The following NKAIN3 variants were observed in gnomAD, a reference collection of about 807,000 sequenced individuals.
The protein encoded by NKAIN3 is sodium/potassium transporting ATPase interacting 3.
NKAIN3 carries 25 observed loss-of-function variants against 30.2 expected under a neutral mutation model. That is an observed-to-expected ratio of 0.83 (90% CI 0.60 to 1.16). The LOEUF (loss-of-function observed/expected upper bound fraction) is 1.16. Ranked by LOEUF, NKAIN3 falls within the 50% of genes most tolerant of loss-of-function variation. The probability of loss-of-function intolerance (pLI) is 0.00; values close to 1 mark genes in which losing one functional copy is unlikely to be tolerated. For missense variants in NKAIN3, 225 were observed against 254.1 expected, an observed-to-expected ratio of 0.89 and a Z score of 0.78; for synonymous variants, 91 against 89.6, an observed-to-expected ratio of 1.02 and a Z score of -0.09.
At chr8:62,424,575 AT>A (rs769856677) in intron 1 of NKAIN3, among the ~76,000 whole-genome samples, 6 of 151,960 alleles carry the variant, frequency 3.9e-5, no homozygotes, top group Non-Finnish European at 8.8e-5. Context: ...CATCAGGGAA[AT>A]GCAAACCAAA....
chr8:62,630,173 C>T (rs1811911222), intron 3 of NKAIN3, among the ~76,000 whole-genome samples: 1 of 151,944 alleles, frequency 6.6e-6, no homozygotes, highest in African/African-American at 2.4e-5. Flanking sequence ...AAACAGAGTA[C>T]ATATAGAGTT....
intron 5 of NKAIN3, among the ~76,000 whole-genome samples, chr8:62,944,433 T>A (rs570225876): frequency 6.6e-6 from 1 of 152,348 alleles, no homozygotes; most frequent in East Asian, 1.9e-4. Flanking sequence ...TTTATTAAAC[T>A]GCTGAAATTT....
At chr8:62,274,168 C>A (rs1245513358) in intron 1 of NKAIN3, among the ~76,000 whole-genome samples, 1 of 152,014 alleles carries the variant, frequency 6.6e-6, no homozygotes, top group African/African-American at 2.4e-5. Flanking sequence ...AAGCCTTAAA[C>A]TTATTATTAT....
chr8:62,622,998 G>A (rs1486794339), intron 3 of NKAIN3, among the ~76,000 whole-genome samples: 9 of 151,710 alleles, frequency 5.9e-5, no homozygotes, highest in Admixed American at 3.3e-4. Flanking sequence ...AGGGAAGAAC[G>A]TTATGTGTGT....
intron 3 of NKAIN3, among the ~76,000 whole-genome samples, chr8:62,627,540 T>C (rs1811828935): frequency 6.6e-6 from 1 of 152,020 alleles, no homozygotes; most frequent in Non-Finnish European, 1.5e-5. Flanking sequence ...GAGAGAAAGA[T>C]TGTAGGATTC....
rs182712439 is a variant in NKAIN3, at chr8:62,545,101, C to T, written c.55-34438C>T. ...GAAAGGAAATTCACATAAAATTGAA[C>T]CCATGCAGCTCAAACCCATGTTGTT... is the stretch of plus-strand genomic sequence containing the variant. On this transcript the variant is annotated intron_variant, in intron 1 of 6. Coordinates refer to ENST00000623646, the MANE Select transcript of NKAIN3 (RefSeq NM_001304533.3). Among the ~76,000 whole-genome samples, 62 of 152,174 alleles carry T rather than the reference C, an allele frequency of 4.1e-4. No homozygotes were observed. The East Asian group carries it at 0.012, about 29-fold the overall frequency.
chr8:62,487,909 G>A (rs1806951299), intron 1 of NKAIN3, among the ~76,000 whole-genome samples: 2 of 152,176 alleles, frequency 1.3e-5, no homozygotes, highest in African/African-American at 4.8e-5. Flanking sequence ...GAGTAAATCT[G>A]CTGAGGAGTC....
chr8:62,952,366 A>G (rs1030461148), intron 5 of NKAIN3, among the ~76,000 whole-genome samples: 1 of 152,178 alleles, frequency 6.6e-6, no homozygotes, highest in Non-Finnish European at 1.5e-5. Flanking sequence ...AAGCCACACT[A>G]TTTTACCAAT....
intron 1 of NKAIN3, among the ~76,000 whole-genome samples, chr8:62,350,306 A>G (rs1211721489): frequency 6.6e-6 from 1 of 152,252 alleles, no homozygotes; most frequent in Non-Finnish European, 1.5e-5. Flanking sequence ...TGTAATTTCA[A>G]TACATGCAAC....
In NKAIN3 at chr8:62,599,261, A is replaced by G. The variant is rs890185034; in HGVS notation, c.273+9467A>G. Among the ~76,000 whole-genome samples, 56 of 152,134 alleles carry G rather than the reference A, an allele frequency of 3.7e-4. 1 individual carries two copies. The highest frequency in any genetic ancestry group is 1.3e-3 in the African/African-American group (53 of 41,536). On this transcript the variant is annotated intron_variant, in intron 3 of 6. Transcript: ENST00000623646. Reference sequence around the variant, plus strand: ...AGGCTTGAGTGTTTTAGTTCTCCCCATGCCTTTCAGCACTTGAAGGTAATG... The same window carrying G: ...AGGCTTGAGTGTTTTAGTTCTCCCCGTGCCTTTCAGCACTTGAAGGTAATG...
intron 1 of NKAIN3, among the ~76,000 whole-genome samples, chr8:62,535,318 T>C (rs1316335908): frequency 6.6e-6 from 1 of 152,162 alleles, no homozygotes; most frequent in African/African-American, 2.4e-5. Context: ...TGACCATATG[T>C]GTGGGGTGTT....
intron 4 of NKAIN3, among the ~76,000 whole-genome samples, chr8:62,880,874 G>A (rs368675087): frequency 7.9e-5 from 12 of 152,046 alleles, no homozygotes; most frequent in African/African-American, 2.9e-4. Context: ...TGATTAAAGA[G>A]CACATAGAAA....
chr8:62,863,677 T>G, intron 4 of NKAIN3: 1 of 1,414,754 alleles, frequency 7.1e-7, no homozygotes, highest in Non-Finnish European at 1.0e-6. Flanking sequence ...TGAGCAATTT[T>G]ATTTCATCCA....
At chr8:62,800,565 C>G (rs1211269193) in intron 4 of NKAIN3, among the ~76,000 whole-genome samples, 1 of 152,206 alleles carries the variant, frequency 6.6e-6, no homozygotes, top group Non-Finnish European at 1.5e-5. Flanking sequence ...CAGGGATTTT[C>G]TCTACTATAA....
chr8:62,793,961 A>T (rs544652307), intron 4 of NKAIN3, among the ~76,000 whole-genome samples: 3 of 152,310 alleles, frequency 2.0e-5, no homozygotes, highest in Admixed American at 6.5e-5. Flanking sequence ...AACCAAATGC[A>T]TCTGACCATA....
chr8:62,672,178 C>G (rs1356618124), intron 3 of NKAIN3, among the ~76,000 whole-genome samples: 1 of 152,210 alleles, frequency 6.6e-6, no homozygotes, highest in African/African-American at 2.4e-5. Flanking sequence ...AAATTAGGAA[C>G]AAGAACTACA....
intron 4 of NKAIN3, among the ~76,000 whole-genome samples, chr8:62,805,334 G>A (rs1311265100): frequency 2.0e-5 from 3 of 151,450 alleles, no homozygotes; most frequent in South Asian, 2.1e-4. Flanking sequence ...AAAAGAGCCC[G>A]CATTGCCAAG....
intron 3 of NKAIN3, among the ~76,000 whole-genome samples, chr8:62,741,399 G>T (rs1815874864): frequency 6.8e-6 from 1 of 147,500 alleles, no homozygotes; most frequent in Non-Finnish European, 1.5e-5. Context: ...AGGAAGGAAG[G>T]AAGGAAGGAA....
chr8:62,309,663 G>T (rs943765708), intron 1 of NKAIN3, among the ~76,000 whole-genome samples: 2 of 150,222 alleles, frequency 1.3e-5, no homozygotes, highest in Non-Finnish European at 2.9e-5. Flanking sequence ...CATCTAGTGT[G>T]TGTTTCTATG....
Sources: gnomAD v4.1 joint callset for allele counts (sites outside exome capture counted in the v4.1 genomes callset) on GRCh38, gnomAD v4.1.1 for gene constraint, MANE v1.5 for transcripts, NCBI Gene and HGNC (gene_info 2026-07-23, HGNC 2026-07-21) for gene names.